SYCP2: variants seen among roughly 807,000 people sequenced by gnomAD.
SYCP2 encodes the protein synaptonemal complex lateral element protein.
SYCP2 carries 55 observed loss-of-function variants against 211.3 expected under a neutral mutation model. The observed-to-expected ratio is 0.26, with a 90% CI of 0.21 to 0.33. The LOEUF is 0.33. Ranked by LOEUF, SYCP2 falls within the 10% of genes least tolerant of loss-of-function variation. The pLI, the probability that SYCP2 is intolerant of heterozygous loss-of-function variation, is 1.00. For missense variants in SYCP2, 1,731 were observed against 1,752.0 expected, an observed-to-expected ratio of 0.99 and a Z score of 0.21; for synonymous variants, 570 against 555.2, an observed-to-expected ratio of 1.03 and a Z score of -0.37.
Position 59,901,679 on chromosome 20 carries a change from CA to C in SYCP2, c.1164del (p.Phe388LeufsTer34). On this transcript the variant is annotated frameshift_variant, in exon 16 of 45. Coordinates refer to ENST00000357552, the MANE Select transcript of SYCP2 (RefSeq NM_014258.4). LOFTEE classifies it high-confidence loss of function. ...LEITNVTQKI[F>X]GATKHRESIR... ...AGACTTACCCTATGTTTAGTTGCACCAAAAATTTTTTGAGTTACATTAGTGA... is the reference window on the plus strand; with the variant it reads ...AGACTTACCCTATGTTTAGTTGCACCAAAATTTTTTGAGTTACATTAGTGA... 19 of 1,571,302 alleles carry C rather than the reference CA, an allele frequency of 1.2e-5. No individual in the cohort carries two copies. The highest frequency in any genetic ancestry group is 2.8e-5 in the African/African-American group (2 of 72,442).
chr20:59,867,641 A>G, intron 39 of SYCP2, 70 bp downstream of exon 39: 1 of 1,359,524 alleles, frequency 7.4e-7, no homozygotes, highest in African/African-American at 1.5e-5. Flanking sequence ...AAACAAGCCA[A>G]TGGTCTAGTA....
intron 26 of SYCP2, among the ~76,000 whole-genome samples, chr20:59,883,379 T>C (rs1254587264): frequency 6.6e-6 from 1 of 151,820 alleles, no homozygotes; most frequent in Non-Finnish European, 1.5e-5. Context: ...CAAACAAAGG[T>C]ATCTACATTC....
At chr20:59,880,914 AAATT>A in intron 30 of SYCP2, 48 bp downstream of exon 30, 3 of 858,818 alleles carry the variant, frequency 3.5e-6, no homozygotes, top group Non-Finnish European at 5.1e-6. Flanking sequence ...TTAACATTAA[AAATT>A]AAGAGAAATA....
rs2059797180 is a variant in SYCP2 at position 59,886,775 on chromosome 20, G to A, written c.2424C>T (p.Ile808=). 1.3e-6 allele frequency: 2 copies of A among 1,588,134 alleles called. No homozygotes were observed. Among genetic ancestry groups the A allele is most frequent in the Non-Finnish European group, 1.7e-6 (2 of 1,170,544 alleles). The change falls in exon 25 of 45, where the codon ATC becomes ATT. Residue 808 remains isoleucine, a synonymous_variant. Coordinates refer to ENST00000357552, the MANE Select transcript of SYCP2 (RefSeq NM_014258.4). ...CATCTTTTGTTTTGTATCTTTTATT[G>A]ATTTGGCTTATCAAGGATTCTGCTA... The part of the protein sequence containing the change: ...TNVAESLISQ[I]NKRYKTKDDI...
chr20:59,899,617 T>C (rs2060076199), intron 18 of SYCP2, among the ~76,000 whole-genome samples: 1 of 152,064 alleles, frequency 6.6e-6, no homozygotes, highest in Non-Finnish European at 1.5e-5. Flanking sequence ...TGGTATACAA[T>C]GGAAGCTGAA....
At chr20:59,867,610 A>G (rs2059376309) in intron 39 of SYCP2, 101 bp downstream of exon 39, 2 of 999,516 alleles carry the variant, frequency 2.0e-6, no homozygotes, top group African/African-American at 1.7e-5. Flanking sequence ...TCATGAATGG[A>G]TATTTTGTTG....
At chr20:59,896,060 G>A (rs910837910) in intron 19 of SYCP2, among the ~76,000 whole-genome samples, 1 of 151,796 alleles carries the variant, frequency 6.6e-6, no homozygotes, top group Non-Finnish European at 1.5e-5. Context: ...AGATACTTAA[G>A]TGCCACTTAT....
At chr20:59,873,020 T>C (rs766410019) in intron 35 of SYCP2, among the ~76,000 whole-genome samples, 1 of 152,130 alleles carries the variant, frequency 6.6e-6, no homozygotes, top group Non-Finnish European at 1.5e-5. Context: ...TCCTCATCTA[T>C]GTATCACATT....
intron 1 of SYCP2, among the ~76,000 whole-genome samples, chr20:59,932,644 A>G (rs894662805): frequency 1.3e-5 from 2 of 152,200 alleles, no homozygotes; most frequent in African/African-American, 2.4e-5. Flanking sequence ...ACTAAACTCC[A>G]GCCTGGGTGA....
intron 15 of SYCP2, among the ~76,000 whole-genome samples, chr20:59,905,961 T>C (rs2060206017): frequency 6.6e-6 from 1 of 152,096 alleles, no homozygotes. Flanking sequence ...GCAGATCCCA[T>C]GACTGGTAAA....
Position 59,922,426 on chromosome 20 carries a change from T to TAAAA in SYCP2, c.-17_-14dup. On this transcript the variant is annotated 5_prime_UTR_variant, in exon 3 of 45. Transcript: ENST00000357552. ...GTCTTATTGGCATTTTGACTTCATTTAAAAAAAAAAAAAAAGCAAGACAAA... is the reference window on the plus strand; with the variant it reads ...GTCTTATTGGCATTTTGACTTCATTTAAAAAAAAAAAAAAAAAAAGCAAGACAAA... 2 of 1,428,172 alleles carry TAAAA rather than the reference T, an allele frequency of 1.4e-6. No individual in the cohort carries two copies. The highest frequency in any genetic ancestry group is 1.9e-6 in the Non-Finnish European group (2 of 1,060,698). 88.5% of individuals were successfully genotyped at this position (1,428,172 alleles called of 1,614,324 possible). A position where few individuals can be genotyped will look rare whatever the true frequency, so the allele number is the denominator to read the frequency against.
intron 31 of SYCP2, among the ~76,000 whole-genome samples, chr20:59,879,496 AGAGTT>A (rs956449359): frequency 6.6e-6 from 1 of 151,962 alleles, no homozygotes; most frequent in Admixed American, 6.6e-5. Context: ...TGAAAAGCAC[AGAGTT>A]AAGTCTTCTT....
chr20:59,868,283 A>G, intron 38 of SYCP2, 130 bp downstream of exon 38: 1 of 904,744 alleles, frequency 1.1e-6, no homozygotes, highest in Non-Finnish European at 1.7e-6. Context: ...GAACTTTGCA[A>G]TAAAGCATCA....
chr20:59,877,534 T>C lies in SYCP2; in HGVS notation c.3001A>G (p.Lys1001Glu), dbSNP rs1479492133. 6.3e-7 allele frequency: 1 copy of C among 1,593,940 alleles called. No individual in the cohort carries two copies. The highest frequency in any genetic ancestry group is 8.5e-7 in the Non-Finnish European group (1 of 1,175,372). The change falls in exon 33 of 45, where the codon AAA becomes GAA. Residue 1001 changes from lysine (K) to glutamate (E), a missense_variant. Physicochemically the swap from Lys to Glu is moderately conservative, Grantham distance 56. Around this residue, in one of 3 missense-constraint regions of SYCP2, gnomAD observed 1,387 missense variants for 1,351.3 expected, o/e 1.03. Transcript: ENST00000357552. ...SKMTPSKNIT[K>E]KMDKTIPEGR... ...TCCGGAATTGTCTTGTCCATCTTTT[T>C]TGTGATATTTTTACTGGGTGTCTTT...
In SYCP2 at chr20:59,866,356, TATG is replaced by T; in HGVS notation, c.4254_4256del (p.Ile1419del). ...CTTTTTCAAAATTCTCCAGCTCCTC[TATG>T]ATAATGAATTGGAATTTATCAAGTT... On this transcript the variant is annotated inframe_deletion, in exon 41 of 45. Transcript: ENST00000357552. 1 of 1,596,576 alleles carries T rather than the reference TATG, an allele frequency of 6.3e-7. No individual in the cohort carries two copies. The highest frequency in any genetic ancestry group is 8.5e-7 in the Non-Finnish European group (1 of 1,171,722).
At chr20:59,904,906 C>T (rs1384226484) in intron 15 of SYCP2, among the ~76,000 whole-genome samples, 3 of 151,990 alleles carry the variant, frequency 2.0e-5, no homozygotes, top group Non-Finnish European at 2.9e-5. Flanking sequence ...TGGGAAAGTG[C>T]CATATAAATA....
intron 1 of SYCP2, among the ~76,000 whole-genome samples, chr20:59,932,842 G>A (rs2060789012): frequency 1.3e-5 from 2 of 152,268 alleles, no homozygotes; most frequent in South Asian, 4.1e-4. Context: ...CAACCGCAAG[G>A]AGAGGCCGCA....
At chr20:59,891,863 G>A in intron 24 of SYCP2, 127 bp downstream of exon 24, 2 of 778,868 alleles carry the variant, frequency 2.6e-6, no homozygotes, top group Non-Finnish European at 4.0e-6. Context: ...CTGAGAGTCT[G>A]GGCACTGAAT....
chr20:59,868,932 T>C lies in SYCP2; in HGVS notation c.3742-7A>G. The C allele has an allele frequency of 4.4e-6, 7 of 1,589,506 alleles. No homozygotes were observed. Among genetic ancestry groups the C allele is most frequent in the Non-Finnish European group, 6.0e-6 (7 of 1,168,254 alleles). On this transcript the variant is annotated splice_region_variant and splice_polypyrimidine_tract_variant and intron_variant, in intron 36 of 44. Coordinates refer to ENST00000357552, the MANE Select transcript of SYCP2 (RefSeq NM_014258.4). Reference sequence around the variant, plus strand: ...AAGATGCTAAATGACTTTCCTAAAATACGTATTAGAAATTAGAAAAAAATT... The same window carrying C: ...AAGATGCTAAATGACTTTCCTAAAACACGTATTAGAAATTAGAAAAAAATT...
Sources: allele counts gnomAD v4.1 joint callset (sites outside exome capture counted in the v4.1 genomes callset), GRCh38; gene constraint gnomAD v4.1.1; regional missense constraint gnomAD v4.1.1; transcripts MANE v1.5; gene names NCBI Gene and HGNC (gene_info 2026-07-23, HGNC 2026-07-21).